UNC13C: variants seen among roughly 807,000 people sequenced by gnomAD.
UNC13C encodes the protein unc-13 homolog C.
UNC13C carries 174 observed loss-of-function variants against 245.4 expected under a neutral mutation model. That is an observed-to-expected ratio of 0.71 (90% CI 0.63 to 0.80). The LOEUF is 0.80. Ranked by LOEUF, UNC13C falls within the 30% of genes least tolerant of loss-of-function variation. UNC13C has a pLI of 0.00. For missense variants in UNC13C, 2,829 were observed against 2,602.9 expected (o/e 1.09, Z -1.89); for synonymous variants, 992 against 895.1 (o/e 1.11, Z -1.93).
rs1895459660 is a variant in UNC13C, at chr15:54,013,148, C to A, written c.245C>A (p.Ala82Asp). ...AACTTATCCACTGAGGAAGACGAGG[C>A]CAGTAAAGAGTTTTCCCTCTCACCA... ...THNLSTEEDEASKEFSLSPTF... is the reference protein window; with the variant it reads ...THNLSTEEDEDSKEFSLSPTF... Residue 82 changes from alanine (A) to aspartate (D), a missense_variant, in exon 2 of 33, where the codon GCC (alanine) becomes GAC (aspartate). Transcript: ENST00000260323. 1 of 1,613,700 alleles carries A rather than the reference C, an allele frequency of 6.2e-7. No homozygotes were observed. Among genetic ancestry groups the A allele is most frequent in the African/African-American group, 1.3e-5 (1 of 74,900 alleles).
intron 19 of UNC13C, among the ~76,000 whole-genome samples, chr15:54,487,766 C>CAAAAAAAAAAAAAAAAA: frequency 1.6e-5 from 1 of 62,768 alleles, no homozygotes; most frequent in Non-Finnish European, 3.0e-5. Flanking sequence ...GATTCCATCT[C>CAAAAAAAAAAAAAAAAA]AAAAAAAAAA....
rs191733780 is a variant in UNC13C at position 54,139,045 on chromosome 15, C to T, written c.2984-3973C>T. 4.3e-3 allele frequency among the ~76,000 whole-genome samples: 592 copies of T among 137,054 alleles called. 6 individuals carry two copies. The highest frequency in any genetic ancestry group is 0.015 in the African/African-American group (570 of 37,628). The allele number at this position is 137,054 out of a possible 152,430, so 89.9% of individuals were successfully genotyped here. ...TGCGATCTCGACTCACTGCAACCTC[C>T]GCCTCCTGTGTTCAAGCGATTCTTG... is the stretch of plus-strand genomic sequence containing the variant. On this transcript the variant is annotated intron_variant, in intron 2 of 32. Transcript: ENST00000260323.
chr15:54,022,919 A>T (rs1895960755), intron 2 of UNC13C, among the ~76,000 whole-genome samples: 1 of 152,202 alleles, frequency 6.6e-6, no homozygotes, highest in Non-Finnish European at 1.5e-5. Context: ...AGTAAAATTC[A>T]TCTAGGAGGC....
chr15:54,315,702 C>A (rs2037990568), intron 13 of UNC13C, among the ~76,000 whole-genome samples: 1 of 151,600 alleles, frequency 6.6e-6, no homozygotes, highest in South Asian at 2.1e-4. Flanking sequence ...TCTATGAGCA[C>A]CTTAAGCTCA....
intron 2 of UNC13C, among the ~76,000 whole-genome samples, chr15:54,097,561 T>C (rs1899936144): frequency 6.6e-6 from 1 of 152,210 alleles, no homozygotes; most frequent in African/African-American, 2.4e-5. Flanking sequence ...CCAAGTGAAA[T>C]GAGTTATTTT....
chr15:54,620,414 T>G (rs1229565886), intron 30 of UNC13C, among the ~76,000 whole-genome samples: 2 of 152,166 alleles, frequency 1.3e-5, no homozygotes, highest in East Asian at 3.9e-4. Context: ...GCATAAGTCT[T>G]CCTTCATAAC....
intron 17 of UNC13C, among the ~76,000 whole-genome samples, chr15:54,342,107 G>A (rs1055661001): frequency 1.3e-5 from 2 of 151,922 alleles, no homozygotes; most frequent in Non-Finnish European, 1.5e-5. Context: ...ATCAATGAAC[G>A]CTTGAGTTTT....
chr15:53,993,981 C>T (rs992816033), intron 1 of UNC13C, among the ~76,000 whole-genome samples: 3 of 151,880 alleles, frequency 2.0e-5, no homozygotes, highest in African/African-American at 7.3e-5. Flanking sequence ...TATATTTTTA[C>T]CCCTGTGCTT....
intron 4 of UNC13C, among the ~76,000 whole-genome samples, chr15:54,227,391 T>G (rs557154202): frequency 2.0e-5 from 3 of 152,126 alleles, no homozygotes; most frequent in African/African-American, 7.2e-5. Flanking sequence ...GACCCAACCC[T>G]TTCCACCATG....
At chr15:54,105,020 T>C (rs1048444608) in intron 2 of UNC13C, among the ~76,000 whole-genome samples, 3 of 152,198 alleles carry the variant, frequency 2.0e-5, no homozygotes, top group Non-Finnish European at 2.9e-5. Flanking sequence ...CTTCACTTTG[T>C]CTGGAGGAAA....
intron 25 of UNC13C, among the ~76,000 whole-genome samples, chr15:54,531,592 G>A (rs370665108): frequency 2.0e-5 from 3 of 151,942 alleles, no homozygotes; most frequent in East Asian, 1.9e-4. Context: ...AGAAGGTGTG[G>A]AGTCACAGAA....
the UNC13C span, among the ~76,000 whole-genome samples, chr15:53,868,172 G>A: frequency 6.6e-6 from 1 of 152,068 alleles, no homozygotes; most frequent in East Asian, 1.9e-4. Context: ...ATGGGAAATG[G>A]CCAGGGAGCT....
At chr15:54,320,129 T>C (rs898914592) in intron 13 of UNC13C, among the ~76,000 whole-genome samples, 1 of 152,018 alleles carries the variant, frequency 6.6e-6, no homozygotes, top group African/African-American at 2.4e-5. Flanking sequence ...AGAGGTTAAA[T>C]TGACTTATTA....
intron 2 of UNC13C, among the ~76,000 whole-genome samples, chr15:54,134,449 T>C (rs1361436485): frequency 6.6e-6 from 1 of 152,228 alleles, no homozygotes; most frequent in Non-Finnish European, 1.5e-5. Flanking sequence ...CGTTTGTGTG[T>C]GTATACACAT....
chr15:54,140,572 G>C (rs145993499), intron 2 of UNC13C, among the ~76,000 whole-genome samples: 1 of 152,336 alleles, frequency 6.6e-6, no homozygotes, highest in African/African-American at 2.4e-5. Flanking sequence ...TCCAGAAAGA[G>C]AGGTTGTGCT....
intron 4 of UNC13C, among the ~76,000 whole-genome samples, chr15:54,151,226 A>C (rs12440161): frequency 0.37 from 56,136 of 151,840 alleles, 11,749 homozygotes; most frequent in Non-Finnish European, 0.48. Flanking sequence ...CCTGATGTCT[A>C]TTGTAATAGA....
At chr15:54,283,624 A>C (rs2037058968) in intron 10 of UNC13C, among the ~76,000 whole-genome samples, 1 of 152,084 alleles carries the variant, frequency 6.6e-6, no homozygotes, top group African/African-American at 2.4e-5. Context: ...CATTTGAATA[A>C]TGTAATTAGT....
At chr15:53,856,498 G>A in the UNC13C span, among the ~76,000 whole-genome samples, 3,244 of 151,834 alleles carry the variant, frequency 0.021, 68 homozygotes, top group Non-Finnish European at 0.027. Context: ...GTCATCTTTT[G>A]TTCTCATTAG....
rs529039160 is a variant in UNC13C, at chr15:54,159,141, TC to T, written c.3071+15460del. On this transcript the variant is annotated intron_variant, in intron 4 of 32. Transcript: ENST00000260323. ...TTTCTGTACCACACCATTAAACATC[TC>T]CCTGCTGGCAATGTGTCTTACTTAT... Among the ~76,000 whole-genome samples, 179 of 152,304 alleles carry T rather than the reference TC, an allele frequency of 1.2e-3. 6 individuals carry two copies. The South Asian group carries it at 0.035, about 30-fold the overall frequency.
Sources: allele counts gnomAD v4.1 joint callset (sites outside exome capture counted in the v4.1 genomes callset), GRCh38; gene constraint gnomAD v4.1.1; transcripts MANE v1.5; gene names NCBI Gene and HGNC (gene_info 2026-07-23, HGNC 2026-07-21).